Variants in DCC observed in about 807,000 individuals in gnomAD.
DCC encodes netrin receptor DCC.
In DCC, 58 loss-of-function variants were observed where a neutral mutation model predicts 172.5. The observed-to-expected ratio is 0.34, with a 90% CI of 0.27 to 0.42. The LOEUF is 0.42. DCC is among the 10% of genes least tolerant of loss of function. DCC has a pLI of 1.00. For synonymous variants in DCC, 709 were observed against 644.5 expected, an observed-to-expected ratio of 1.10 and a Z score of -1.52; for missense variants, 1,740 against 1,791.0, an observed-to-expected ratio of 0.97 and a Z score of 0.51.
intron 8 of DCC, among the ~76,000 whole-genome samples, chr18:53,175,083 T>G (rs1410727821): frequency 6.6e-6 from 1 of 151,996 alleles, no homozygotes; most frequent in East Asian, 1.9e-4. Context: ...AACCACATGA[T>G]TATCTCAATA....
intron 2 of DCC, among the ~76,000 whole-genome samples, chr18:52,890,569 A>G (rs747190628): frequency 6.6e-6 from 1 of 152,142 alleles, no homozygotes; most frequent in Non-Finnish European, 1.5e-5. Context: ...TAAATTTACT[A>G]GTGAGAGATT....
chr18:52,927,126 C>CGTGTGTATATACGTGTATATAT, intron 5 of DCC, among the ~76,000 whole-genome samples: 1 of 76,556 alleles, frequency 1.3e-5, no homozygotes, highest in East Asian at 3.2e-4. Context: ...CGTGTATATA[C>CGTGTGTATATACGTGTATATAT]ACGTATATAC....
chr18:52,653,040 CATGGT>C, intron 1 of DCC, among the ~76,000 whole-genome samples: 1 of 152,254 alleles, frequency 6.6e-6, no homozygotes, highest in East Asian at 1.9e-4. Context: ...TGTCTTTGAA[CATGGT>C]AGTCACTGTT....
intron 9 of DCC, among the ~76,000 whole-genome samples, chr18:53,197,886 A>C (rs1017937702): frequency 5.9e-5 from 9 of 152,126 alleles, no homozygotes; most frequent in Non-Finnish European, 1.2e-4. Flanking sequence ...GTATTAATTC[A>C]TATATGCTAT....
chr18:52,888,429 T>C (rs959958466), intron 2 of DCC, among the ~76,000 whole-genome samples: 1 of 152,182 alleles, frequency 6.6e-6, no homozygotes, highest in Non-Finnish European at 1.5e-5. Context: ...ATAAGGCATC[T>C]TCTCTGATGA....
intron 2 of DCC, among the ~76,000 whole-genome samples, chr18:52,889,421 A>G (rs2039616744): frequency 6.6e-6 from 1 of 152,014 alleles, no homozygotes; most frequent in African/African-American, 2.4e-5. Flanking sequence ...ACCACATACT[A>G]CTCTAAATGT....
chr18:53,511,552 G>C (rs903953964), intron 27 of DCC, among the ~76,000 whole-genome samples: 1 of 152,218 alleles, frequency 6.6e-6, no homozygotes, highest in African/African-American at 2.4e-5. Flanking sequence ...GAGGTACCGG[G>C]TTCATCTCAC....
At chr18:53,394,611 G>C (rs1321357188) in intron 17 of DCC, among the ~76,000 whole-genome samples, 2 of 151,938 alleles carry the variant, frequency 1.3e-5, no homozygotes, top group African/African-American at 4.8e-5. Context: ...ATGTTACAGA[G>C]GATATGAAGT....
At chr18:53,095,390 T>C (rs1044453876) in intron 7 of DCC, among the ~76,000 whole-genome samples, 2 of 152,212 alleles carry the variant, frequency 1.3e-5, no homozygotes, top group African/African-American at 4.8e-5. Context: ...ATCTTTCAAA[T>C]AGTGTGTTTG....
At chr18:53,061,225 G>T (rs2042490613) in intron 5 of DCC, among the ~76,000 whole-genome samples, 1 of 151,998 alleles carries the variant, frequency 6.6e-6, no homozygotes, top group Admixed American at 6.6e-5. Flanking sequence ...TCCATTATTT[G>T]GGCTCTTGAA....
At chr18:52,690,794 G>A (rs529798207) in intron 1 of DCC, among the ~76,000 whole-genome samples, 294 of 152,228 alleles carry the variant, frequency 1.9e-3, no homozygotes, top group Non-Finnish European at 3.4e-3. Flanking sequence ...TCAGAAGGAA[G>A]TGAAATCAAT....
At chr18:52,774,602 C>T (rs1349525358) in intron 2 of DCC, among the ~76,000 whole-genome samples, 1 of 152,216 alleles carries the variant, frequency 6.6e-6, no homozygotes, top group Non-Finnish European at 1.5e-5. Context: ...CAAAGGTTCC[C>T]TTGTTCCCCT....
chr18:52,877,061 A>G (rs981193553), intron 2 of DCC, among the ~76,000 whole-genome samples: 2 of 152,212 alleles, frequency 1.3e-5, no homozygotes, highest in African/African-American at 4.8e-5. Flanking sequence ...GTTTACCTGA[A>G]ATTCAAATTT....
At chr18:53,341,471 C>A (rs1409921776) in intron 15 of DCC, among the ~76,000 whole-genome samples, 2 of 152,094 alleles carry the variant, frequency 1.3e-5, no homozygotes, top group Non-Finnish European at 2.9e-5. Context: ...TTCTAAAGAG[C>A]TAGGAATATT....
intron 5 of DCC, among the ~76,000 whole-genome samples, chr18:52,951,137 G>A (rs1320977007): frequency 6.6e-6 from 1 of 151,988 alleles, no homozygotes; most frequent in Non-Finnish European, 1.5e-5. Flanking sequence ...GAGAATGCAC[G>A]GACCTTGAGG....
intron 5 of DCC, among the ~76,000 whole-genome samples, chr18:52,973,561 TG>T (rs2041064936): frequency 6.6e-6 from 1 of 152,176 alleles, no homozygotes; most frequent in Admixed American, 6.6e-5. Context: ...TCCTTATTTC[TG>T]ATTAGACTAG....
chr18:52,846,694 C>T (rs1249676702), intron 2 of DCC, among the ~76,000 whole-genome samples: 1 of 150,716 alleles, frequency 6.6e-6, no homozygotes, highest in Non-Finnish European at 1.5e-5. Flanking sequence ...AGATTGGGAG[C>T]TTTCAGAAAT....
chr18:52,981,210 T>C (rs1225715837), intron 5 of DCC, among the ~76,000 whole-genome samples: 1 of 152,130 alleles, frequency 6.6e-6, no homozygotes, highest in African/African-American at 2.4e-5. Context: ...TGGTAAAAGC[T>C]AAGAGGCAAA....
chr18:52,887,061 G>T (rs1368548133), intron 2 of DCC, among the ~76,000 whole-genome samples: 1 of 152,240 alleles, frequency 6.6e-6, no homozygotes, highest in African/African-American at 2.4e-5. Flanking sequence ...GACTGGAGTG[G>T]AGTAGCCATG....
Sources: allele counts gnomAD v4.1 joint callset (sites outside exome capture counted in the v4.1 genomes callset), GRCh38; gene constraint gnomAD v4.1.1; transcripts MANE v1.5; gene names NCBI Gene and HGNC (gene_info 2026-07-23, HGNC 2026-07-21).